The following PPP1R37 variants were observed in gnomAD, a reference collection of about 807,000 sequenced individuals.
PPP1R37 encodes leucine rich repeat containing 68.
PPP1R37 carries 21 observed loss-of-function variants against 61.0 expected under a neutral mutation model. The ratio of observed to expected loss-of-function variants is 0.34; its 90% CI spans 0.24 to 0.50. The LOEUF is 0.50. Among genes scored for constraint, PPP1R37 ranks in the 20% least tolerant of loss-of-function variants. PPP1R37 has a pLI of 0.98. For missense variants in PPP1R37, 910 were observed against 952.7 expected, an observed-to-expected ratio of 0.96 and a Z score of 0.59; for synonymous variants, 443 against 433.5, an observed-to-expected ratio of 1.02 and a Z score of -0.27.
chr19:45,137,152 A>T (rs1021084987), intron 1 of PPP1R37, among the ~76,000 whole-genome samples: 2 of 151,108 alleles, frequency 1.3e-5, no homozygotes. Context: ...TCTAACGGCC[A>T]GTCCTGACCT....
chr19:45,097,630 C>T (rs561507445), intron 1 of PPP1R37, among the ~76,000 whole-genome samples: 1 of 152,094 alleles, frequency 6.6e-6, no homozygotes, highest in African/African-American at 2.4e-5. Context: ...GGGTCTCGAG[C>T]CTGCCCAGGC....
chr19:45,099,219 C>T (rs1194729546), intron 1 of PPP1R37, among the ~76,000 whole-genome samples: 1 of 152,198 alleles, frequency 6.6e-6, no homozygotes, highest in Non-Finnish European at 1.5e-5. Context: ...TGCTTTCCCT[C>T]AGAGGCCCAC....
At chr19:45,141,630 C>T (rs1360484164) in intron 5 of PPP1R37, among the ~76,000 whole-genome samples, 189 bp downstream of exon 5, 2 of 152,234 alleles carry the variant, frequency 1.3e-5, no homozygotes, top group Non-Finnish European at 2.9e-5. Context: ...GGCCCCCTGG[C>T]CCCTTCTCTC....
At chr19:45,128,731 A>G (rs1968440065) in intron 1 of PPP1R37, 1 of 817,730 alleles carries the variant, frequency 1.2e-6, no homozygotes. Context: ...AGCCGCGTCA[A>G]GGTCCACCTG....
intron 1 of PPP1R37, among the ~76,000 whole-genome samples, chr19:45,096,295 C>T (rs1223380716): frequency 4.6e-5 from 7 of 151,862 alleles, no homozygotes; most frequent in Admixed American, 2.6e-4. Flanking sequence ...GCTGAAGGGT[C>T]AGGGGTGAGG....
chr19:45,115,227 A>G (rs1452000873), intron 1 of PPP1R37, among the ~76,000 whole-genome samples: 1 of 152,158 alleles, frequency 6.6e-6, no homozygotes, highest in African/African-American at 2.4e-5. Flanking sequence ...GAAGGAAATA[A>G]ACCAAGGCTG....
rs1447061436 is a variant in PPP1R37 at position 45,093,332 on chromosome 19, A to G, written c.7A>G (p.Ile3Val). ...TGAGGAGGCGGCGGCGGCTATGGAGATCGCGCCGCAGGAGGCGCCGCCCGT... is the reference window on the plus strand; with the variant it reads ...TGAGGAGGCGGCGGCGGCTATGGAGGTCGCGCCGCAGGAGGCGCCGCCCGT... MEIAPQEAPPVPG... is the reference protein window; with the variant it reads MEVAPQEAPPVPG... The change falls in exon 1 of 13, where the codon ATC becomes GTC. Residue 3 changes from isoleucine (I) to valine (V), a missense_variant. Ile to Val is a conservative substitution (Grantham distance 29, BLOSUM62 3). This residue lies in a region of PPP1R37 where 81 missense variants were observed against 65.4 expected (regional missense o/e 1.24). Coordinates refer to ENST00000221462, the MANE Select transcript of PPP1R37 (RefSeq NM_019121.2). 2.4e-5 allele frequency: 36 copies of G among 1,474,020 alleles called. No individual in the cohort carries two copies. The highest frequency in any genetic ancestry group is 3.1e-5 in the Non-Finnish European group (35 of 1,118,082). The allele number at this position is 1,474,020 out of a possible 1,614,324, so 91.3% of individuals were successfully genotyped here. A position where few individuals can be genotyped will look rare whatever the true frequency, so the allele number is the denominator to read the frequency against.
chr19:45,096,930 T>C (rs1437819111), intron 1 of PPP1R37, among the ~76,000 whole-genome samples: 3 of 151,406 alleles, frequency 2.0e-5, no homozygotes, highest in South Asian at 2.1e-4. Flanking sequence ...GGAGGGGTCA[T>C]TGGTGAAGTT....
At chr19:45,098,299 A>G (rs1968019158) in intron 1 of PPP1R37, among the ~76,000 whole-genome samples, 1 of 152,336 alleles carries the variant, frequency 6.6e-6, no homozygotes, top group African/African-American at 2.4e-5. Context: ...CCAGACTTAC[A>G]CAAGGAACCC....
chr19:45,093,192 A>C lies in PPP1R37; in HGVS notation c.-134A>C. The C allele has an allele frequency of 4.2e-6, 3 of 717,456 alleles. No individual in the cohort carries two copies. The highest frequency in any genetic ancestry group is 6.0e-6 in the Non-Finnish European group (3 of 497,700). The allele number at this position is 717,456 out of a possible 1,614,324, so 44.4% of individuals were successfully genotyped here. ...GCTCCCGGCGGCGACGACTACGACCACTAGGAGAGCGGACGGAGGCGGCGC... is the reference window on the plus strand; with the variant it reads ...GCTCCCGGCGGCGACGACTACGACCCCTAGGAGAGCGGACGGAGGCGGCGC... On this transcript the variant is annotated 5_prime_UTR_variant, in exon 1 of 13. Coordinates refer to ENST00000221462, the MANE Select transcript of PPP1R37 (RefSeq NM_019121.2).
At position 45,128,051 on chromosome 19, in the gene PPP1R37, C is replaced by T. The variant is rs533861028; in HGVS notation, c.203-10463C>T. Among the ~76,000 whole-genome samples, 15 of 151,302 alleles carry T rather than the reference C, an allele frequency of 9.9e-5. No homozygotes were observed. In the South Asian group the frequency reaches 2.5e-3, roughly 25 times the overall value. ...TGACTCAATCCTTGTATGCATTTAT[C>T]GAAATACCACATGTACCCCATAAAT... is the stretch of plus-strand genomic sequence containing the variant. On this transcript the variant is annotated intron_variant, in intron 1 of 12. Transcript: ENST00000221462.
At chr19:45,127,636 T>G (rs1323113374) in intron 1 of PPP1R37, among the ~76,000 whole-genome samples, 1 of 152,106 alleles carries the variant, frequency 6.6e-6, no homozygotes, top group Admixed American at 6.6e-5. Flanking sequence ...TGTGCCTCAG[T>G]ATTCAAAAGA....
At chr19:45,107,943 C>T (rs1968153869) in intron 1 of PPP1R37, among the ~76,000 whole-genome samples, 1 of 152,200 alleles carries the variant, frequency 6.6e-6, no homozygotes, top group Non-Finnish European at 1.5e-5. Context: ...CGTTTAGGTC[C>T]TTTCCAGTTT....
intron 1 of PPP1R37, among the ~76,000 whole-genome samples, chr19:45,111,539 G>T (rs1482572245): frequency 1.3e-5 from 2 of 152,216 alleles, no homozygotes; most frequent in Non-Finnish European, 2.9e-5. Flanking sequence ...ATCTCCCAAA[G>T]TACTGGGATT....
chr19:45,114,309 C>A (rs2122722680), intron 1 of PPP1R37, among the ~76,000 whole-genome samples: 1 of 152,354 alleles, frequency 6.6e-6, no homozygotes, highest in South Asian at 2.1e-4. Context: ...CTGGCAGGAA[C>A]CAGGTCTGCC....
intron 1 of PPP1R37, among the ~76,000 whole-genome samples, chr19:45,104,199 C>T (rs558478924): frequency 1.3e-4 from 20 of 152,330 alleles, no homozygotes; most frequent in South Asian, 6.2e-4. Context: ...AGCTCTGCTC[C>T]GCTCGTCTGG....
intron 1 of PPP1R37, among the ~76,000 whole-genome samples, chr19:45,100,478 A>G (rs1312543195): frequency 6.6e-6 from 1 of 152,054 alleles, no homozygotes; most frequent in African/African-American, 2.4e-5. Context: ...CCACCCCAGG[A>G]GGTAGGTGCC....
intron 4 of PPP1R37, 135 bp downstream of exon 4, chr19:45,140,741 T>C (rs954781509): frequency 4.6e-6 from 3 of 651,976 alleles, no homozygotes; most frequent in Admixed American, 2.5e-5. Context: ...GCGGGGCCTC[T>C]TGCAGGGCAA....
chr19:45,127,422 C>G (rs1968420847), intron 1 of PPP1R37, among the ~76,000 whole-genome samples: 1 of 149,834 alleles, frequency 6.7e-6, no homozygotes, highest in South Asian at 2.1e-4. Context: ...CTGGAATAGT[C>G]TAGTGCTCTT....
Sources: allele counts gnomAD v4.1 joint callset (sites outside exome capture counted in the v4.1 genomes callset), GRCh38; gene constraint gnomAD v4.1.1; regional missense constraint gnomAD v4.1.1; transcripts MANE v1.5; gene names NCBI Gene and HGNC (gene_info 2026-07-23, HGNC 2026-07-21).